Variants in NPSR1 observed in about 807,000 individuals in gnomAD.
NPSR1 encodes the protein neuropeptide S receptor 1.
In NPSR1, 48 loss-of-function variants were observed where a neutral mutation model predicts 46.9. The observed-to-expected ratio is 1.02, with a 90% CI of 0.81 to 1.30. The LOEUF (loss-of-function observed/expected upper bound fraction) is 1.30. Among genes scored for constraint, NPSR1 ranks in the 50% most tolerant of loss-of-function variants. The pLI is 0.00. For synonymous variants in NPSR1, 176 were observed against 168.1 expected (o/e 1.05, Z -0.36); for missense variants, 450 against 449.5 (o/e 1.00, Z -0.01).
In NPSR1 at chr7:34,778,506, C is replaced by T. The variant is rs763039204; in HGVS notation, c.325C>T (p.Arg109Ter). Reference protein sequence around the residue: ...LVNILTDINWRFTGDFTAPDL... With the variant: ...LVNILTDINW ...CAACATCTTGACAGATATTAATTGG[C>T]GATTCACTGGAGACTTCACGGCACC... The change falls in exon 3 of 9, where the codon CGA becomes TGA. Residue 109 changes from arginine (R) to a stop codon, truncating the protein, a stop_gained. Coordinates refer to ENST00000360581, the MANE Select transcript of NPSR1 (RefSeq NM_207172.2). LOFTEE classifies it high-confidence loss of function. 1.1e-5 allele frequency: 17 copies of T among 1,612,190 alleles called. No homozygotes were observed. Among genetic ancestry groups the T allele is most frequent in the African/African-American group, 6.7e-5 (5 of 74,790 alleles).
At chr7:34,826,579 C>T (rs1789851534) in intron 4 of NPSR1, among the ~76,000 whole-genome samples, 1 of 152,168 alleles carries the variant, frequency 6.6e-6, no homozygotes. Context: ...AGAGTTTCAA[C>T]AACAGCTTGA....
chr7:34,761,152 AAC>A (rs1454727408), intron 2 of NPSR1: 3 of 152,748 alleles, frequency 2.0e-5, no homozygotes, highest in Non-Finnish European at 4.4e-5. Flanking sequence ...CGGATGCTGA[AAC>A]AGAGTCAGGT....
At chr7:34,703,371 A>AAAATAAATAAAT (rs35157717) in intron 2 of NPSR1, among the ~76,000 whole-genome samples, 52 of 148,654 alleles carry the variant, frequency 3.5e-4, no homozygotes, top group African/African-American at 8.5e-4. Context: ...ACTCCGTCTC[A>AAAATAAATAAAT]AAATAAATAA....
chr7:34,874,072 A>C (rs562517983), intron 8 of NPSR1, among the ~76,000 whole-genome samples: 8 of 151,616 alleles, frequency 5.3e-5, no homozygotes, highest in Admixed American at 1.3e-4. Flanking sequence ...GGCCCAGAGA[A>C]GTGAGTAAAT....
In NPSR1 at chr7:34,811,520, C is replaced by T. The variant is rs147100669; in HGVS notation, c.385-250C>T. On this transcript the variant is annotated intron_variant, in intron 3 of 8. Transcript: ENST00000360581. ...CTTTTTGGGCACAAAAACAGGAATACCTGTTCTCATTTAAGACCACTGGTT... is the reference window on the plus strand; with the variant it reads ...CTTTTTGGGCACAAAAACAGGAATATCTGTTCTCATTTAAGACCACTGGTT... Among the ~76,000 whole-genome samples, 43 of 152,192 alleles carry T rather than the reference C, an allele frequency of 2.8e-4. No homozygotes were observed. The East Asian group carries it at 7.5e-3, about 27-fold the overall frequency.
chr7:34,795,541 C>T (rs987879099), intron 3 of NPSR1, among the ~76,000 whole-genome samples: 1 of 152,054 alleles, frequency 6.6e-6, no homozygotes, highest in African/African-American at 2.4e-5. Flanking sequence ...TCTCCCAGAA[C>T]TAATAGGCAA....
intron 2 of NPSR1, among the ~76,000 whole-genome samples, chr7:34,731,693 AAGG>A (rs1784422702): frequency 1.3e-5 from 2 of 152,312 alleles, no homozygotes; most frequent in South Asian, 4.1e-4. Context: ...CAGTAGCACA[AAGG>A]AGAGATTGGT....
rs1372093482 is a variant in NPSR1, at chr7:34,664,906, G to C, written c.147+6347G>C. 2.0e-5 allele frequency among the ~76,000 whole-genome samples: 3 copies of C among 152,140 alleles called. No individual in the cohort carries two copies. The East Asian group carries it at 5.8e-4, about 29-fold the overall frequency. The stretch of plus-strand genomic sequence containing the variant: ...ATCAAGTTTCTTGTTTTCCCACTTA[G>C]GCAATATTGATGGCTGCCTAAAAAT... On this transcript the variant is annotated intron_variant, in intron 1 of 8. Transcript: ENST00000360581.
At chr7:34,748,772 C>G (rs1440365373) in intron 2 of NPSR1, among the ~76,000 whole-genome samples, 7 of 151,932 alleles carry the variant, frequency 4.6e-5, no homozygotes, top group Non-Finnish European at 8.8e-5. Context: ...GGGAAATATC[C>G]TGCCTGGGAG....
rs754542933 is a variant in NPSR1, at chr7:34,658,431, G to T, written c.19G>T (p.Glu7Ter). The T allele has an allele frequency of 1.2e-6, 2 of 1,614,160 alleles. No individual in the cohort carries two copies. The highest frequency in any genetic ancestry group is 1.7e-4 in the Middle Eastern group (1 of 6,022). Reference protein sequence around the residue: MPANFTEGSFDSSGTGQ... With the variant: MPANFT ...CTGAGCCATGCCAGCCAACTTCACAGAGGGCAGCTTCGATTCCAGTGGGAC... is the reference window on the plus strand; with the variant it reads ...CTGAGCCATGCCAGCCAACTTCACATAGGGCAGCTTCGATTCCAGTGGGAC... Residue 7 changes from glutamate (E) to a stop codon, truncating the protein, a stop_gained, in exon 1 of 9, where the codon GAG becomes TAG. Transcript: ENST00000360581. LOFTEE classifies it high-confidence loss of function.
chr7:34,669,728 A>G (rs1296863794), intron 1 of NPSR1, among the ~76,000 whole-genome samples: 1 of 152,194 alleles, frequency 6.6e-6, no homozygotes, highest in Non-Finnish European at 1.5e-5. Flanking sequence ...GAAAGAGCCT[A>G]CCAGACAACC....
intron 1 of NPSR1, among the ~76,000 whole-genome samples, chr7:34,663,067 C>CTCTCTCTCTCTCTCTCTGTGTGTG (rs35826710): frequency 5.0e-5 from 5 of 99,386 alleles, no homozygotes; most frequent in African/African-American, 1.1e-4. Context: ...CTCTCTCTCT[C>CTCTCTCTCTCTCTCTCTGTGTGTG]TGTGTGTGTG....
intron 7 of NPSR1, chr7:34,845,495 T>C (rs1405758237): frequency 9.0e-6 from 4 of 445,702 alleles, no homozygotes; most frequent in Non-Finnish European, 8.9e-6. Flanking sequence ...CTTGTACTAT[T>C]TCCTGTCTGA....
At chr7:34,703,847 T>G (rs1793970496) in intron 2 of NPSR1, 1 of 152,500 alleles carries the variant, frequency 6.6e-6, no homozygotes, top group Non-Finnish European at 1.5e-5. Flanking sequence ...GTCTGTTTTA[T>G]TCAAATGCAA....
rs557722202 is a variant in NPSR1 at position 34,751,281 on chromosome 7, C to A, written c.281-27181C>A. The stretch of plus-strand genomic sequence containing the variant: ...GTGGAGACTTTTCTAGCATGGTGAA[C>A]AGAAGATGAGGCTGGGAGTTGCAGA... On this transcript the variant is annotated intron_variant, in intron 2 of 8. Coordinates refer to ENST00000360581, the MANE Select transcript of NPSR1 (RefSeq NM_207172.2). 1.4e-3 allele frequency: 1,365 copies of A among 966,728 alleles called. 19 individuals carry two copies. The highest frequency in any genetic ancestry group is 1.9e-3 in the Non-Finnish European group (1,097 of 589,246). 59.9% of individuals were successfully genotyped at this position (966,728 alleles called of 1,614,324 possible). A position where few individuals can be genotyped will look rare whatever the true frequency, so the allele number is the denominator to read the frequency against.
downstream of NPSR1, among the ~76,000 whole-genome samples, chr7:34,851,806 CTG>C (rs757352215): frequency 5.3e-5 from 8 of 152,154 alleles, no homozygotes; most frequent in Non-Finnish European, 8.8e-5. Context: ...TCTGTAGAAA[CTG>C]TGAACATGAT....
intron 2 of NPSR1, chr7:34,703,973 T>G (rs1446861449): frequency 2.6e-5 from 4 of 152,244 alleles, no homozygotes; most frequent in Non-Finnish European, 5.9e-5. Flanking sequence ...GGGCCAAATC[T>G]TCTCATATTG....
chr7:34,689,767 AC>A (rs1793151576), intron 2 of NPSR1, among the ~76,000 whole-genome samples: 1 of 151,274 alleles, frequency 6.6e-6, no homozygotes, highest in Non-Finnish European at 1.5e-5. Context: ...ACATAGTGAG[AC>A]CCCCATCTCT....
At chr7:34,693,912 T>C (rs1256705264) in intron 2 of NPSR1, among the ~76,000 whole-genome samples, 3 of 152,076 alleles carry the variant, frequency 2.0e-5, no homozygotes, top group Non-Finnish European at 4.4e-5. Flanking sequence ...AAAAACCATA[T>C]GATCATCTCA....
Sources: allele counts gnomAD v4.1 joint callset (sites outside exome capture counted in the v4.1 genomes callset), GRCh38; gene constraint gnomAD v4.1.1; transcripts MANE v1.5; gene names NCBI Gene and HGNC (gene_info 2026-07-23, HGNC 2026-07-21).